Variants in TAPT1 observed in about 807,000 individuals in gnomAD.
TAPT1 encodes transmembrane anterior posterior transformation 1.
In TAPT1, 28 loss-of-function variants were observed where a neutral mutation model predicts 65.6. The observed-to-expected ratio is 0.43, with a 90% confidence interval of 0.32 to 0.59. TAPT1 has a LOEUF of 0.59. TAPT1 is among the 20% of genes least tolerant of loss of function. The probability of loss-of-function intolerance (pLI) is 0.09; values close to 1 mark genes in which losing one functional copy is unlikely to be tolerated. For missense variants in TAPT1, 563 were observed against 679.9 expected (o/e 0.83, Z 1.91); for synonymous variants, 278 against 245.2 (o/e 1.13, Z -1.25).
chr4:16,211,493 G>GA (rs967667130), intron 2 of TAPT1, among the ~76,000 whole-genome samples: 10 of 152,008 alleles, frequency 6.6e-5, no homozygotes, highest in Non-Finnish European at 1.2e-4. Context: ...TAGAAGTTAA[G>GA]AAAAAATGCT....
chr4:16,184,687 C>T (rs1748900444), intron 7 of TAPT1, among the ~76,000 whole-genome samples: 1 of 152,172 alleles, frequency 6.6e-6, no homozygotes, highest in South Asian at 2.1e-4. Context: ...CTCATTATGG[C>T]TTTGTCTTTC....
chr4:16,198,978 T>C lies in TAPT1; in HGVS notation c.449+3484A>G, dbSNP rs78954483. Among the ~76,000 whole-genome samples, 993 of 152,300 alleles carry C rather than the reference T, an allele frequency of 6.5e-3. 10 individuals carry two copies. The highest frequency in any genetic ancestry group is 0.022 in the African/African-American group (915 of 41,568). ...GCTCAAAGAAACAAAAATTGCAGCC[T>C]ATATTACTGTAAGCACAAATTACTC... On this transcript the variant is annotated intron_variant, in intron 3 of 13. Transcript: ENST00000405303.
At chr4:16,177,500 A>G (rs1748410356) in intron 8 of TAPT1, among the ~76,000 whole-genome samples, 1 of 152,170 alleles carries the variant, frequency 6.6e-6, no homozygotes, top group Non-Finnish European at 1.5e-5. Flanking sequence ...AGCTTCTGTG[A>G]GTCTGGCATC....
chr4:16,220,583 T>C (rs1303388378), intron 1 of TAPT1, among the ~76,000 whole-genome samples: 1 of 152,064 alleles, frequency 6.6e-6, no homozygotes, highest in Non-Finnish European at 1.5e-5. Context: ...ACCCCGTCTC[T>C]ACTAAAAATA....
intron 12 of TAPT1, among the ~76,000 whole-genome samples, chr4:16,167,662 G>C (rs1747729837): frequency 6.6e-6 from 1 of 152,162 alleles, no homozygotes; most frequent in Admixed American, 6.5e-5. Flanking sequence ...TACTTAATCA[G>C]CTAATCTGGA....
At chr4:16,168,199 G>C (rs904093938) in intron 12 of TAPT1, among the ~76,000 whole-genome samples, 1 of 151,804 alleles carries the variant, frequency 6.6e-6, no homozygotes, top group South Asian at 2.1e-4. Context: ...CTGCAGCCTT[G>C]AACTCCTGGG....
At chr4:16,181,544 C>A (rs911323135) in intron 7 of TAPT1, among the ~76,000 whole-genome samples, 2 of 152,250 alleles carry the variant, frequency 1.3e-5, no homozygotes, top group East Asian at 1.9e-4. Context: ...GGGGGAAAAA[C>A]TTATCTCATT....
At chr4:16,197,555 T>G (rs1263347327) in intron 3 of TAPT1, among the ~76,000 whole-genome samples, 2 of 152,222 alleles carry the variant, frequency 1.3e-5, no homozygotes, top group African/African-American at 4.8e-5. Context: ...CATAATTAGC[T>G]ATTTTTCATT....
At chr4:16,199,566 C>T (rs1294667096) in intron 3 of TAPT1, among the ~76,000 whole-genome samples, 1 of 151,912 alleles carries the variant, frequency 6.6e-6, no homozygotes, top group African/African-American at 2.4e-5. Flanking sequence ...CCTGTAACAT[C>T]TTTTAGTTTT....
At chr4:16,187,740 T>C (rs539638099) in intron 5 of TAPT1, among the ~76,000 whole-genome samples, 11 of 152,144 alleles carry the variant, frequency 7.2e-5, no homozygotes, top group South Asian at 4.1e-4. Flanking sequence ...TACTCTCCAA[T>C]AGAAAAGCTT....
intron 2 of TAPT1, among the ~76,000 whole-genome samples, chr4:16,210,884 C>T (rs1750611145): frequency 6.6e-6 from 1 of 152,114 alleles, no homozygotes; most frequent in Non-Finnish European, 1.5e-5. Flanking sequence ...CAATAAAACA[C>T]TCCAAAATTA....
At chr4:16,209,087 A>T (rs944538237) in intron 2 of TAPT1, among the ~76,000 whole-genome samples, 2 of 151,816 alleles carry the variant, frequency 1.3e-5, no homozygotes, top group Non-Finnish European at 2.9e-5. Context: ...TGGCCAGTCT[A>T]TCTTTCTTTC....
rs375690846 is a variant in TAPT1 at position 16,188,275 on chromosome 4, T to C, written c.693A>G (p.Arg231=). 4 of 1,612,886 alleles carry C rather than the reference T, an allele frequency of 2.5e-6. No homozygotes were observed. In the African/African-American group the frequency reaches 5.3e-5, roughly 22 times the overall value. Residue 231 remains arginine (R), a synonymous_variant, in exon 5 of 14, where the codon AGA becomes AGG. Coordinates refer to ENST00000405303, the MANE Select transcript of TAPT1 (RefSeq NM_153365.3). ...LYWTATEPKE[R]KRAHIGVIPH... is the part of the protein sequence containing the mutation. ...GAATCACCCCAATGTGGGCTCTTTT[T>C]CTTTCTTTAGGCTCTGTTGCTGTCC...
upstream of TAPT1, chr4:16,226,476 T>C (rs1452782967): frequency 2.9e-6 from 3 of 1,045,228 alleles, no homozygotes; most frequent in African/African-American, 3.5e-5. Flanking sequence ...CACAACAAAC[T>C]GTCCCCGCCG....
intron 2 of TAPT1, among the ~76,000 whole-genome samples, chr4:16,206,165 C>T (rs112370226): frequency 4.6e-5 from 7 of 152,324 alleles, no homozygotes; most frequent in African/African-American, 1.7e-4. Context: ...AAAGTCTATA[C>T]TCTAGGAGAT....
chr4:16,179,690 G>C lies in TAPT1; in HGVS notation c.917-33C>G, dbSNP rs139876605. The C allele has an allele frequency of 7.8e-6, 9 of 1,160,248 alleles. No individual in the cohort carries two copies. In the East Asian group the frequency reaches 1.6e-4, roughly 20 times the overall value. The allele number at this position is 1,160,248 out of a possible 1,614,324, so 71.9% of individuals were successfully genotyped here. A position where few individuals can be genotyped will look rare whatever the true frequency, so the allele number is the denominator to read the frequency against. On this transcript the variant is annotated intron_variant, in intron 7 of 13. Transcript: ENST00000405303. ...AAAAAAAATCAACATAAGTACTGTA[G>C]TGTATATAAACAACATAATAAAGTA... is the stretch of plus-strand genomic sequence containing the variant.
chr4:16,180,116 T>A (rs763420255), intron 7 of TAPT1, among the ~76,000 whole-genome samples: 2 of 152,134 alleles, frequency 1.3e-5, no homozygotes, highest in Non-Finnish European at 1.5e-5. Context: ...ATTACTGAAC[T>A]GATGAGTCCT....
At chr4:16,184,055 T>C (rs796538596) in intron 7 of TAPT1, among the ~76,000 whole-genome samples, 2 of 152,322 alleles carry the variant, frequency 1.3e-5, no homozygotes, top group African/African-American at 4.8e-5. Context: ...TTACATACAG[T>C]GAAATGCACA....
chr4:16,161,565 C>T lies in TAPT1; in HGVS notation c.*1743G>A, dbSNP rs961688437. 6.6e-6 allele frequency: 1 copy of T among 152,502 alleles called. No homozygotes were observed. Among genetic ancestry groups the T allele is most frequent in the Non-Finnish European group, 1.5e-5 (1 of 68,014 alleles). The allele number at this position is 152,502 out of a possible 1,614,324, so 9.4% of individuals were successfully genotyped here. A position where few individuals can be genotyped will look rare whatever the true frequency, so the allele number is the denominator to read the frequency against. ...CTATTCCATTCACGGTGGCATTGTTCCTTTTGTTGGTAAAGGGAGATGGAA... is the reference window on the plus strand; with the variant it reads ...CTATTCCATTCACGGTGGCATTGTTTCTTTTGTTGGTAAAGGGAGATGGAA... On this transcript the variant is annotated 3_prime_UTR_variant, in exon 14 of 14. Coordinates refer to ENST00000405303, the MANE Select transcript of TAPT1 (RefSeq NM_153365.3).
Sources: allele counts gnomAD v4.1 joint callset (sites outside exome capture counted in the v4.1 genomes callset), GRCh38; gene constraint gnomAD v4.1.1; transcripts MANE v1.5; gene names NCBI Gene and HGNC (gene_info 2026-07-23, HGNC 2026-07-21).